The following FOCAD variants were observed in gnomAD, a reference collection of about 807,000 sequenced individuals.
The protein encoded by FOCAD is KIAA1797.
A neutral mutation model predicts 225.6 loss-of-function variants in FOCAD; 198 were observed. That is an observed-to-expected ratio of 0.88 (90% CI 0.78 to 0.99). The LOEUF (loss-of-function observed/expected upper bound fraction) is 0.99. Among genes scored for constraint, FOCAD ranks in the 50% least tolerant of loss-of-function variants. The pLI, the probability that FOCAD is intolerant of heterozygous loss-of-function variation, is 0.00. For missense variants in FOCAD, 2,713 were observed against 2,123.6 expected (o/e 1.28, Z -5.46); for synonymous variants, 897 against 755.0 (o/e 1.19, Z -3.08).
chr9:20,731,925 A>G (rs1826749139), intron 4 of FOCAD, among the ~76,000 whole-genome samples: 2 of 152,068 alleles, frequency 1.3e-5, no homozygotes, highest in African/African-American at 4.8e-5. Context: ...CCAATTAAAC[A>G]TATTTATTGA....
rs532422501 is a variant in FOCAD at position 20,886,887 on chromosome 9, C to T, written c.2625+1657C>T. 7.2e-4 allele frequency among the ~76,000 whole-genome samples: 109 copies of T among 152,208 alleles called. 1 individual carries two copies. Among genetic ancestry groups the T allele is most frequent in the African/African-American group, 2.4e-3 (101 of 41,536 alleles). On this transcript the variant is annotated intron_variant, in intron 21 of 43. Transcript: ENST00000338382. ...AATTGCAATAATAACAGCTAATAAT[C>T]GATTTAGATACTTTCAACACTGTGA...
intron 4 of FOCAD, among the ~76,000 whole-genome samples, chr9:20,730,373 G>C (rs1222558414): frequency 6.6e-6 from 1 of 152,010 alleles, no homozygotes; most frequent in African/African-American, 2.4e-5. Context: ...GGAAAGGCAG[G>C]ATATATATGT....
intron 11 of FOCAD, among the ~76,000 whole-genome samples, chr9:20,803,053 A>T (rs1822018075): frequency 1.3e-5 from 2 of 152,050 alleles, no homozygotes. Flanking sequence ...TATCCTGGTG[A>T]CATTTTACTT....
At chr9:20,692,135 C>T (rs893855999) in intron 1 of FOCAD, among the ~76,000 whole-genome samples, 1 of 152,044 alleles carries the variant, frequency 6.6e-6, no homozygotes, top group African/African-American at 2.4e-5. Flanking sequence ...CTCCTGACTC[C>T]GTATATCCAG....
chr9:20,677,542 A>T (rs1414959090), intron 2 of FOCAD, among the ~76,000 whole-genome samples: 1 of 152,222 alleles, frequency 6.6e-6, no homozygotes, highest in Non-Finnish European at 1.5e-5. Flanking sequence ...TTATTAAAAA[A>T]TGGACTAAGG....
chr9:20,681,937 G>A (rs1264165463), upstream of FOCAD, among the ~76,000 whole-genome samples: 1 of 152,152 alleles, frequency 6.6e-6, no homozygotes, highest in East Asian at 1.9e-4. Flanking sequence ...GGTGTCTGCT[G>A]TGGCCTACAT....
intron 35 of FOCAD, 108 bp downstream of exon 35, chr9:20,953,173 G>A (rs1837836678): frequency 2.3e-6 from 2 of 863,772 alleles, no homozygotes; most frequent in African/African-American, 1.7e-5. Flanking sequence ...TAAATCTGAA[G>A]GGGTGAATAT....
intron 35 of FOCAD, among the ~76,000 whole-genome samples, chr9:20,962,839 G>A (rs1253398631): frequency 1.3e-5 from 2 of 152,150 alleles, no homozygotes; most frequent in Non-Finnish European, 2.9e-5. Flanking sequence ...TGTCCGTAAA[G>A]CATTTCATTA....
chr9:20,817,020 G>C (rs1430585903), intron 11 of FOCAD, among the ~76,000 whole-genome samples: 1 of 152,128 alleles, frequency 6.6e-6, no homozygotes, highest in Non-Finnish European at 1.5e-5. Context: ...GCGTATCTGT[G>C]TGTCTGACCA....
In FOCAD at chr9:20,880,440, T is replaced by G. The variant is rs548225238; in HGVS notation, c.2318-1431T>G. Among the ~76,000 whole-genome samples the G allele has an allele frequency of 9.8e-5, 15 of 152,308 alleles. No individual in the cohort carries two copies. In the South Asian group the frequency reaches 3.1e-3, roughly 32 times the overall value. ...GAATACATCTCCTGACTTCACTGTTTTCACCCTTTGATGTCCTGCCAGTGA... is the reference window on the plus strand; with the variant it reads ...GAATACATCTCCTGACTTCACTGTTGTCACCCTTTGATGTCCTGCCAGTGA... On this transcript the variant is annotated intron_variant, in intron 19 of 43. Transcript: ENST00000338382.
chr9:20,948,879 C>G lies in FOCAD; in HGVS notation c.3827C>G (p.Ala1276Gly), dbSNP rs1273062948. 1 of 1,613,432 alleles carries G rather than the reference C, an allele frequency of 6.2e-7. No individual in the cohort carries two copies. Among genetic ancestry groups the G allele is most frequent in the African/African-American group, 1.3e-5 (1 of 74,900 alleles). Residue 1276 changes from alanine to glycine, a missense_variant, in exon 32 of 44, where the codon GCT (alanine) becomes GGT (glycine). By Grantham distance (60) the Ala-to-Gly change is moderately conservative (BLOSUM62 0). Transcript: ENST00000338382. ...ACTCCCACAATGCTTTGTCTGGCAG[C>G]TCTTCATGGCATGGTGGCCTTGGTA... ...EGTPTMLCLA[A>G]LHGMVALVGS...
At chr9:20,853,316 G>C (rs1284128262) in intron 15 of FOCAD, among the ~76,000 whole-genome samples, 2 of 151,734 alleles carry the variant, frequency 1.3e-5, no homozygotes, top group African/African-American at 4.8e-5. Flanking sequence ...TCTGGCTGTT[G>C]AGTAGTGAGT....
intron 15 of FOCAD, among the ~76,000 whole-genome samples, chr9:20,851,070 A>G (rs1320688196): frequency 1.3e-5 from 2 of 151,572 alleles, no homozygotes; most frequent in Non-Finnish European, 3.0e-5. Flanking sequence ...TTATGAAAAT[A>G]TTAGATAACC....
At chr9:20,892,497 G>T (rs1490333737) in intron 21 of FOCAD, among the ~76,000 whole-genome samples, 1 of 152,120 alleles carries the variant, frequency 6.6e-6, no homozygotes, top group African/African-American at 2.4e-5. Context: ...GACCTTGAGG[G>T]GTTCAAGATT....
intron 21 of FOCAD, among the ~76,000 whole-genome samples, chr9:20,890,393 A>G (rs1831512237): frequency 6.6e-6 from 1 of 151,024 alleles, no homozygotes; most frequent in African/African-American, 2.4e-5. Flanking sequence ...TTTAATCACA[A>G]ATAGATGTTA....
chr9:20,976,318 T>C, intron 35 of FOCAD, 102 bp from the exon 36 acceptor site: 2 of 1,108,416 alleles, frequency 1.8e-6, no homozygotes, highest in Non-Finnish European at 2.6e-6. Context: ...ATATGTGATA[T>C]CAGATCCTTT....
At chr9:20,968,958 G>C (rs1198443678) in intron 35 of FOCAD, among the ~76,000 whole-genome samples, 3 of 151,788 alleles carry the variant, frequency 2.0e-5, no homozygotes, top group Admixed American at 6.6e-5. Flanking sequence ...CATAAATTTT[G>C]GTATTTTTAT....
intron 2 of FOCAD, among the ~76,000 whole-genome samples, chr9:20,677,128 C>T (rs577075784): frequency 9.2e-5 from 14 of 152,036 alleles, no homozygotes; most frequent in East Asian, 3.9e-4. Flanking sequence ...ACACAAGGAT[C>T]GACTCTTTAT....
chr9:20,930,916 C>T (rs1256565355), intron 27 of FOCAD, among the ~76,000 whole-genome samples: 1 of 152,106 alleles, frequency 6.6e-6, no homozygotes, highest in Non-Finnish European at 1.5e-5. Context: ...GATTTTTTCC[C>T]TTTGCTACTA....
Sources: allele counts gnomAD v4.1 joint callset (sites outside exome capture counted in the v4.1 genomes callset), GRCh38; gene constraint gnomAD v4.1.1; transcripts MANE v1.5; gene names NCBI Gene and HGNC (gene_info 2026-07-23, HGNC 2026-07-21).